RYR1: variants seen among roughly 807,000 people sequenced by gnomAD.
RYR1 encodes ryanodine receptor 1, also known as central core disease of muscle.
A neutral mutation model predicts 583.5 loss-of-function variants in RYR1; 342 were observed. The observed-to-expected ratio is 0.59, with a 90% CI of 0.54 to 0.64. The LOEUF (loss-of-function observed/expected upper bound fraction) is 0.64, where lower values mean the gene tolerates loss of function less well. Among genes scored for constraint, RYR1 ranks in the 30% least tolerant of loss-of-function variants. RYR1 has a pLI of 0.00. For synonymous variants in RYR1, 2,791 were observed against 2,822.5 expected, an observed-to-expected ratio of 0.99 and a Z score of 0.35; for missense variants, 6,032 against 6,917.2, an observed-to-expected ratio of 0.87 and a Z score of 4.54.
At chr19:38,475,602 C>T in intron 29 of RYR1, 152 bp downstream of exon 29, 2 of 1,015,304 alleles carry the variant, frequency 2.0e-6, no homozygotes, top group South Asian at 1.4e-5. Context: ...ATGGCACACA[C>T]AGATTTAATC....
At chr19:38,583,885 C>G (rs1282131360) in intron 101 of RYR1, among the ~76,000 whole-genome samples, 1 of 152,068 alleles carries the variant, frequency 6.6e-6, no homozygotes, top group Non-Finnish European at 1.5e-5. Flanking sequence ...GAGCCACATG[C>G]CCAGGCCCTG....
intron 20 of RYR1, among the ~76,000 whole-genome samples, chr19:38,460,984 TCAAAA>T (rs761405021): frequency 1.3e-5 from 2 of 151,604 alleles, no homozygotes; most frequent in African/African-American, 4.9e-5. Flanking sequence ...AAACTCCATG[TCAAAA>T]CAAAACAAAA....
At chr19:38,557,125 C>G (rs1306685366) in intron 89 of RYR1, among the ~76,000 whole-genome samples, 1 of 139,204 alleles carries the variant, frequency 7.2e-6, no homozygotes, top group East Asian at 2.2e-4. Context: ...ATGCTCTCGG[C>G]TCACTGCAAC....
At position 38,523,228 on chromosome 19, in the gene RYR1, C is replaced by T. The variant is rs376830015; in HGVS notation, c.10359C>T (p.Arg3453=). The T allele has an allele frequency of 5.1e-5, 83 of 1,614,208 alleles. No individual in the cohort carries two copies. The highest frequency in any genetic ancestry group is 1.6e-4 in the Middle Eastern group (1 of 6,062). The part of the protein sequence containing the change: ...IYWSKSHNFK[R]EEQNFVVQNE... ...GCTTCCCCCACCAGAACTTCAAGCG[C>T]GAGGAGCAGAACTTTGTGGTCCAGA... Residue 3453 remains arginine (R), a synonymous_variant, in exon 69 of 106, where the codon CGC becomes CGT. Transcript: ENST00000359596.
rs754522209 is a variant in RYR1, at chr19:38,458,076, C to T, written c.1951C>T (p.Arg651Ter). 6.2e-6 allele frequency: 10 copies of T among 1,613,604 alleles called. No homozygotes were observed. The highest frequency in any genetic ancestry group is 2.2e-5 in the South Asian group (2 of 91,068). The change falls in exon 18 of 106, where the codon CGA (arginine) becomes TGA (stop). Residue 651 changes from arginine (R) to a stop codon, truncating the protein, a stop_gained. Coordinates refer to ENST00000359596, the MANE Select transcript of RYR1 (RefSeq NM_000540.3). LOFTEE classifies it high-confidence loss of function. ...TSIRPNIFVG[R>*]AEGTTQYSKW... ...CATCCGCCCCAACATCTTTGTGGGC[C>T]GAGCGGAAGGCACCACGCAGTACAG...
chr19:38,478,123 T>TCCTTCTCATCCTGTTTCATCTCAC (rs1968830913), intron 30 of RYR1, among the ~76,000 whole-genome samples: 1 of 152,006 alleles, frequency 6.6e-6, no homozygotes. Context: ...TTTCTCCTTT[T>TCCTTCTCATCCTGTTTCATCTCAC]CCTTCTCATC....
chr19:38,462,886 C>CTCT (rs1358760807), intron 20 of RYR1, among the ~76,000 whole-genome samples: 11 of 95,092 alleles, frequency 1.2e-4, no homozygotes, highest in Non-Finnish European at 1.6e-4. Context: ...TTAATACTCT[C>CTCT]TCTTCTTTTT....
chr19:38,442,545 G>A, intron 3 of RYR1, 92 bp downstream of exon 3: 1 of 863,850 alleles, frequency 1.2e-6, no homozygotes, highest in Non-Finnish European at 2.0e-6. Flanking sequence ...ATGGGTGAGA[G>A]GACCCGGGGG....
Position 38,455,640 on chromosome 19 carries a change from G to C in RYR1, c.1680G>C (p.Leu560=). 6.2e-7 allele frequency: 1 copy of C among 1,613,378 alleles called. No individual in the cohort carries two copies. Among genetic ancestry groups the C allele is most frequent in the East Asian group, 2.2e-5 (1 of 44,866 alleles). Reference sequence around the variant, plus strand: ...TTCTGGGCACCCTGGCAGGCATCCTGGAGGTCCTGTACTGTGTCCTCATTG... The same window carrying C: ...TTCTGGGCACCCTGGCAGGCATCCTCGAGGTCCTGTACTGTGTCCTCATTG... The part of the protein sequence containing the change: ...LDRLEASSGI[L]EVLYCVLIES... The change falls in exon 16 of 106, where the codon CTG becomes CTC. Residue 560 remains leucine, a synonymous_variant. Coordinates refer to ENST00000359596, the MANE Select transcript of RYR1 (RefSeq NM_000540.3).
chr19:38,562,253 C>T (rs1973179854), intron 90 of RYR1, among the ~76,000 whole-genome samples: 1 of 152,100 alleles, frequency 6.6e-6, no homozygotes, highest in South Asian at 2.1e-4. Flanking sequence ...CTCAGCTCCT[C>T]CTATGCCCAG....
At chr19:38,542,096 G>A (rs1293765090) in intron 84 of RYR1, among the ~76,000 whole-genome samples, 10 of 149,090 alleles carry the variant, frequency 6.7e-5, no homozygotes, top group East Asian at 1.9e-4. Flanking sequence ...CCCCAAGGCC[G>A]GGGACTGTTT....
At chr19:38,585,909 G>A (rs748775272) in intron 102 of RYR1, 29 bp from the exon 103 acceptor site, 43 of 1,613,812 alleles carry the variant, frequency 2.7e-5, no homozygotes, top group Admixed American at 1.5e-4. Flanking sequence ...GTCAGAGGTC[G>A]GGCACTGACT....
At chr19:38,481,604 C>T (rs965284869) in intron 31 of RYR1, among the ~76,000 whole-genome samples, 7 of 152,046 alleles carry the variant, frequency 4.6e-5, no homozygotes, top group Admixed American at 3.3e-4. Context: ...AAGTGTGGTC[C>T]CTGGACCAAC....
chr19:38,477,891 T>TTGGG (rs2145503403), intron 30 of RYR1, 21 bp downstream of exon 30: 1 of 528,622 alleles, frequency 1.9e-6, no homozygotes, highest in Non-Finnish European at 3.1e-6. Flanking sequence ...TGGGGGGAGG[T>TTGGG]GGGAGGTGCA....
intron 34 of RYR1, among the ~76,000 whole-genome samples, chr19:38,488,668 AT>A (rs987631112): frequency 1.3e-5 from 2 of 151,208 alleles, no homozygotes; most frequent in Non-Finnish European, 3.0e-5. Context: ...CACCCAGCTA[AT>A]TTTTTTTTGT....
At chr19:38,488,389 T>A (rs1049232666) in intron 34 of RYR1, among the ~76,000 whole-genome samples, 3 of 152,160 alleles carry the variant, frequency 2.0e-5, no homozygotes, top group Admixed American at 1.3e-4. Flanking sequence ...TCGGGATTCA[T>A]CCAGCCAGCC....
chr19:38,515,390 G>A (rs1471750238), intron 64 of RYR1, among the ~76,000 whole-genome samples: 3 of 152,160 alleles, frequency 2.0e-5, no homozygotes, highest in Non-Finnish European at 2.9e-5. Flanking sequence ...CGCAACACTG[G>A]GGTCACTGGG....
intron 30 of RYR1, 37 bp downstream of exon 30, chr19:38,477,907 G>T: frequency 6.5e-7 from 1 of 1,536,266 alleles, no homozygotes; most frequent in Non-Finnish European, 8.9e-7. Flanking sequence ...GTGCAGGGTG[G>T]GGAGGGCAGG....
chr19:38,561,098 C>T lies in RYR1; in HGVS notation c.12283-15C>T, dbSNP rs1382468749. On this transcript the variant is annotated splice_polypyrimidine_tract_variant and intron_variant, in intron 89 of 105. Transcript: ENST00000359596. The surrounding 1 kb of genome is among the most constrained non-coding windows in gnomAD (Gnocchi z 4.8). The stretch of plus-strand genomic sequence containing the variant: ...CTCTCCAGGTCACCCCACTGACCTC[C>T]CTGCCCGCCCCCAGGCCATGGACAG... 1.9e-6 allele frequency: 3 copies of T among 1,613,612 alleles called. No individual in the cohort carries two copies. Among genetic ancestry groups the T allele is most frequent in the East Asian group, 2.2e-5 (1 of 44,886 alleles).
Sources: allele counts gnomAD v4.1 joint callset (sites outside exome capture counted in the v4.1 genomes callset), GRCh38; gene constraint gnomAD v4.1.1; non-coding constraint Gnocchi (gnomAD v3.1); transcripts MANE v1.5; gene names NCBI Gene and HGNC (gene_info 2026-07-23, HGNC 2026-07-21).